Variants in MUC3A observed in about 807,000 individuals in gnomAD.
MUC3A encodes the protein mucin-3A.
Under a neutral mutation model 109.0 loss-of-function variants are expected in MUC3A, and 109 were observed. The observed-to-expected ratio is 1.00, with a 90% CI of 0.86 to 1.17. MUC3A has a LOEUF of 1.17. MUC3A is among the 50% of genes most tolerant of loss of function. The pLI, the probability that MUC3A is intolerant of heterozygous loss-of-function variation, is 0.00. For synonymous variants in MUC3A, 1,398 were observed against 981.4 expected, an observed-to-expected ratio of 1.42 and a Z score of -7.93; for missense variants, 3,537 against 2,469.4, an observed-to-expected ratio of 1.43 and a Z score of -9.16.
Position 100,957,683 on chromosome 7 carries a change from A to T in MUC3A, c.5904A>T (p.Thr1968=), listed in dbSNP as rs1292965318. The change falls in exon 2 of 12, where the codon ACA becomes ACT. Residue 1968 remains threonine, a synonymous_variant. Coordinates refer to ENST00000379458, the MANE Select transcript of MUC3A (RefSeq NM_005960.2). ...CTTCGATCACCACCACCGAGACCAC[A>T]TCCCACAATACTCCCAGCCTCACTT... The part of the protein sequence containing the change: ...FTSSITTTET[T]SHNTPSLTSS... 2.5e-5 allele frequency: 17 copies of T among 678,868 alleles called. No individual in the cohort carries two copies. The Admixed American group carries it at 2.9e-3, about 118-fold the overall frequency. 42.1% of individuals were successfully genotyped at this position (678,868 alleles called of 1,614,324 possible).
chr7:100,950,712 A>G (rs75132177), intron 1 of MUC3A, among the ~76,000 whole-genome samples: 107 of 152,120 alleles, frequency 7.0e-4, no homozygotes, highest in African/African-American at 2.5e-3. Flanking sequence ...ACTCTGACAA[A>G]TTGTGAAATG....
Position 100,957,674 on chromosome 7 carries a change from C to T in MUC3A, c.5895C>T (p.Thr1965=), listed in dbSNP as rs970637714. 4.5e-5 allele frequency: 45 copies of T among 989,846 alleles called. No homozygotes were observed. Among genetic ancestry groups the T allele is most frequent in the Middle Eastern group, 6.9e-4 (2 of 2,878 alleles). 61.3% of individuals were successfully genotyped at this position (989,846 alleles called of 1,614,324 possible). The stretch of plus-strand genomic sequence containing the variant: ...GCTTCACTTCTTCGATCACCACCAC[C>T]GAGACCACATCCCACAATACTCCCA... ...SPSFTSSITT[T]ETTSHNTPSL... The change falls in exon 2 of 12, where the codon ACC becomes ACT. Residue 1965 remains threonine, a synonymous_variant. Coordinates refer to ENST00000379458, the MANE Select transcript of MUC3A (RefSeq NM_005960.2).
At position 100,949,696 on chromosome 7, in the gene MUC3A, G is replaced by A. The variant is rs1791880289; in HGVS notation, c.61+11G>A. On this transcript the variant is annotated intron_variant, in intron 1 of 11. Coordinates refer to ENST00000379458, the MANE Select transcript of MUC3A (RefSeq NM_005960.2). ...CCCCGTGGGCCACAGGTAAGGGGGAGAGGCGGAAGGGGGTTGGAGAAAAGC... is the reference window on the plus strand; with the variant it reads ...CCCCGTGGGCCACAGGTAAGGGGGAAAGGCGGAAGGGGGTTGGAGAAAAGC... 4 of 1,528,166 alleles carry A rather than the reference G, an allele frequency of 2.6e-6. No homozygotes were observed. The highest frequency in any genetic ancestry group is 3.5e-6 in the Non-Finnish European group (4 of 1,144,126). The allele number at this position is 1,528,166 out of a possible 1,614,324, so 94.7% of individuals were successfully genotyped here.
chr7:100,966,314 C>G (rs111892061), intron 8 of MUC3A, 72 bp from the exon 9 acceptor site: 11 of 1,201,406 alleles, frequency 9.2e-6, no homozygotes, highest in Non-Finnish European at 1.1e-5. Flanking sequence ...CACCCGCCCC[C>G]GCGGGGCCCA....
At chr7:100,965,926 C>CCTAG in intron 8 of MUC3A, 60 bp downstream of exon 8, 3 of 1,525,822 alleles carry the variant, frequency 2.0e-6, no homozygotes, top group Admixed American at 1.9e-5. Flanking sequence ...TAGGATGAAG[C>CCTAG]CCTGCCCCAT....
At chr7:100,961,312 C>T (rs1792317429) in intron 3 of MUC3A, among the ~76,000 whole-genome samples, 3 of 152,310 alleles carry the variant, frequency 2.0e-5, no homozygotes, top group Non-Finnish European at 2.9e-5. Flanking sequence ...AAGGCGTCAC[C>T]AGGGCTGTGT....
rs1232008426 is a variant in MUC3A, at chr7:100,966,738, G to A, written c.9872G>A (p.Gly3291Glu). The A allele has an allele frequency of 3.1e-6, 5 of 1,598,434 alleles. No individual in the cohort carries two copies. The highest frequency in any genetic ancestry group is 2.7e-5 in the African/African-American group (2 of 74,964). Residue 3291 changes from glycine to glutamate, a missense_variant, in exon 10 of 12, where the codon GGA becomes GAA. Transcript: ENST00000379458. ...TFSNWGFEDDGTDKDTNFYVA... is the reference protein window; with the variant it reads ...TFSNWGFEDDETDKDTNFYVA... ...TCAAACTGGGGTTTCGAGGACGACGGAACAGGTGAGTCCTGCCTCCTGGGG... is the reference window on the plus strand; with the variant it reads ...TCAAACTGGGGTTTCGAGGACGACGAAACAGGTGAGTCCTGCCTCCTGGGG...
At position 100,959,460 on chromosome 7, in the gene MUC3A, AC is replaced by A; in HGVS notation, c.7685del (p.Pro2562GlnfsTer23). 6.4e-7 allele frequency: 1 copy of A among 1,567,450 alleles called. No homozygotes were observed. Among genetic ancestry groups the A allele is most frequent in the Non-Finnish European group, 8.6e-7 (1 of 1,166,656 alleles). On this transcript the variant is annotated frameshift_variant, in exon 2 of 12. Transcript: ENST00000379458. LOFTEE classifies it high-confidence loss of function. ...VRMTLRITENTPISSFSTSIV... is the reference protein window; with the variant it reads ...VRMTLRITENXPISSFSTSIV... ...AATGACCCTCAGAATTACTGAGAACACCCCAATCAGTTCCTTTAGCACAAGT... is the reference window on the plus strand; with the variant it reads ...AATGACCCTCAGAATTACTGAGAACACCCAATCAGTTCCTTTAGCACAAGT...
intron 1 of MUC3A, among the ~76,000 whole-genome samples, chr7:100,950,146 C>CA (rs1310220919): frequency 5.2e-3 from 791 of 152,048 alleles, no homozygotes; most frequent in Non-Finnish European, 6.5e-3. Context: ...GGTCTCGGTC[C>CA]TCTGGTTTCA....
At chr7:100,963,128 G>A (rs1792394946) in intron 3 of MUC3A, 23 bp from the exon 4 acceptor site, 1 of 1,595,582 alleles carries the variant, frequency 6.3e-7, no homozygotes, top group Non-Finnish European at 8.5e-7. Flanking sequence ...AGAAGTGACT[G>A]GGGACATGCA....
At chr7:100,963,621 G>A in intron 4 of MUC3A, 67 bp from the exon 5 acceptor site, 1 of 1,596,974 alleles carries the variant, frequency 6.3e-7, no homozygotes, top group Non-Finnish European at 8.5e-7. Context: ...TGGAGCTGGG[G>A]TTGGGCGTCT....
chr7:100,959,847 A>G lies in MUC3A; in HGVS notation c.8068A>G (p.Met2690Val). 6.4e-7 allele frequency: 1 copy of G among 1,569,706 alleles called. No homozygotes were observed. Among genetic ancestry groups the G allele is most frequent in the Non-Finnish European group, 8.6e-7 (1 of 1,165,626 alleles). The change falls in exon 2 of 12, where the codon ATG becomes GTG. Residue 2690 changes from methionine (M) to valine (V), a missense_variant. By Grantham distance (21) the Met-to-Val change is conservative (BLOSUM62 1). Coordinates refer to ENST00000379458, the MANE Select transcript of MUC3A (RefSeq NM_005960.2). ...CTGGTCCTCAACACCCACTATTATCATGTCCTCTTCTCCATCTTCTGCCAG... is the reference window on the plus strand; with the variant it reads ...CTGGTCCTCAACACCCACTATTATCGTGTCCTCTTCTCCATCTTCTGCCAG... ...IIWSSTPTII[M>V]SSSPSSASIT... is the part of the protein sequence containing the mutation.
rs1792710372 is a variant in MUC3A at position 100,968,171 on chromosome 7, CATCCCCTCCG to C, written c.*1012_*1021del. 2 of 151,974 alleles carry C rather than the reference CATCCCCTCCG, an allele frequency of 1.3e-5. No homozygotes were observed. Among genetic ancestry groups the C allele is most frequent in the Admixed American group, 6.6e-5 (1 of 15,256 alleles). The allele number at this position is 151,974 out of a possible 1,614,324, so 9.4% of individuals were successfully genotyped here. ...TTGCCTCCCCTCTGCCTTTTAAACC[CATCCCCTCCG>C]ATTCCCCTCCTCCCCCTTCTCTTCC... On this transcript the variant is annotated 3_prime_UTR_variant, in exon 12 of 12. Coordinates refer to ENST00000379458, the MANE Select transcript of MUC3A (RefSeq NM_005960.2).
In MUC3A at chr7:100,957,442, C is replaced by T; in HGVS notation, c.5663C>T (p.Pro1888Leu). Reference protein sequence around the residue: ...SLLTTVTATVPTTNLVTTTTK... With the variant: ...SLLTTVTATVLTTNLVTTTTK... ...CTCACCACAGTAACAGCCACAGTTC[C>T]AACAACAAACTTGGTAACCACGACC... is the stretch of plus-strand genomic sequence containing the variant. The change falls in exon 2 of 12, where the codon CCA becomes CTA. Residue 1888 changes from proline to leucine, a missense_variant. Pro to Leu is a moderately conservative substitution (Grantham distance 98). Coordinates refer to ENST00000379458, the MANE Select transcript of MUC3A (RefSeq NM_005960.2). The T allele has an allele frequency of 8.8e-7, 1 of 1,135,236 alleles. No individual in the cohort carries two copies. The highest frequency in any genetic ancestry group is 1.2e-6 in the Non-Finnish European group (1 of 843,876). 70.3% of individuals were successfully genotyped at this position (1,135,236 alleles called of 1,614,324 possible). A position where few individuals can be genotyped will look rare whatever the true frequency, so the allele number is the denominator to read the frequency against.
At chr7:100,963,800 T>C (rs1792424513) in intron 5 of MUC3A, 48 bp downstream of exon 5, 2 of 1,597,256 alleles carry the variant, frequency 1.3e-6, no homozygotes, top group Non-Finnish European at 8.5e-7. Context: ...GTGGGGGAAA[T>C]GTGCGCACAC....
intron 3 of MUC3A, 188 bp downstream of exon 3, chr7:100,961,125 G>A: frequency 2.1e-6 from 2 of 966,268 alleles, no homozygotes; most frequent in South Asian, 9.6e-5. Context: ...CTTAGGAGGT[G>A]GCTGGGACTA....
chr7:100,959,991 A>T lies in MUC3A; in HGVS notation c.8212A>T (p.Thr2738Ser). 6.6e-7 allele frequency: 1 copy of T among 1,505,340 alleles called. No individual in the cohort carries two copies. Among genetic ancestry groups the T allele is most frequent in the Non-Finnish European group, 8.8e-7 (1 of 1,138,178 alleles). 93.2% of individuals were successfully genotyped at this position (1,505,340 alleles called of 1,614,324 possible). Residue 2738 changes from threonine (T) to serine (S), a missense_variant, in exon 2 of 12, where the codon ACT becomes TCT. Thr to Ser is a moderately conservative substitution (Grantham distance 58). Coordinates refer to ENST00000379458, the MANE Select transcript of MUC3A (RefSeq NM_005960.2). ...TGFPSLSSSA[T>S]TSTSSTSSSL... ...CTTTCCTAGTCTCTCTTCCTCTGCA[A>T]CTACCAGCACTTCTTCAACCAGCTC... is the stretch of plus-strand genomic sequence containing the variant.
intron 5 of MUC3A, 194 bp from the exon 6 acceptor site, chr7:100,964,501 C>A (rs1792454782): frequency 3.5e-6 from 3 of 862,016 alleles, no homozygotes; most frequent in African/African-American, 1.7e-5. Context: ...TCAGTCATTC[C>A]TTGTCCTGCC....
chr7:100,950,218 G>A (rs1317158372), intron 1 of MUC3A, among the ~76,000 whole-genome samples: 1 of 152,300 alleles, frequency 6.6e-6, no homozygotes, highest in Admixed American at 6.5e-5. Flanking sequence ...CTCTTACCCC[G>A]GCCAGGGCCC....
Sources: gnomAD v4.1 joint callset for allele counts (sites outside exome capture counted in the v4.1 genomes callset) on GRCh38, gnomAD v4.1.1 for gene constraint, MANE v1.5 for transcripts, NCBI Gene and HGNC (gene_info 2026-07-23, HGNC 2026-07-21) for gene names.